The following GLCCI1 variants were observed in gnomAD, a reference collection of about 807,000 sequenced individuals.
GLCCI1 encodes glucocorticoid-induced transcript 1 protein.
In GLCCI1, 24 loss-of-function variants were observed where a neutral mutation model predicts 52.2. The observed-to-expected ratio is 0.46, with a 90% CI of 0.33 to 0.65. GLCCI1 has a LOEUF of 0.65. Among genes scored for constraint, GLCCI1 ranks in the 30% least tolerant of loss-of-function variants. The pLI is 0.02. For synonymous variants in GLCCI1, 310 were observed against 276.5 expected, an observed-to-expected ratio of 1.12 and a Z score of -1.20; for missense variants, 704 against 701.5, an observed-to-expected ratio of 1.00 and a Z score of -0.04.
intron 3 of GLCCI1, among the ~76,000 whole-genome samples, chr7:8,038,809 C>G (rs1342628725): frequency 1.3e-5 from 2 of 152,064 alleles, no homozygotes; most frequent in African/African-American, 4.8e-5. Flanking sequence ...AAATAAATAA[C>G]AGAGAAAATA....
chr7:8,046,705 G>A (rs553105398), intron 3 of GLCCI1, among the ~76,000 whole-genome samples: 2 of 152,270 alleles, frequency 1.3e-5, no homozygotes, highest in African/African-American at 4.8e-5. Context: ...GTATTTGATT[G>A]ATGCCTCATG....
At chr7:7,999,954 G>C (rs545923143) in intron 1 of GLCCI1, among the ~76,000 whole-genome samples, 2 of 152,042 alleles carry the variant, frequency 1.3e-5, no homozygotes, top group East Asian at 1.9e-4. Flanking sequence ...CATTAAAATG[G>C]TTCCTATTGT....
At chr7:8,037,863 C>T (rs900772299) in intron 3 of GLCCI1, among the ~76,000 whole-genome samples, 1 of 151,962 alleles carries the variant, frequency 6.6e-6, no homozygotes, top group Non-Finnish European at 1.5e-5. Flanking sequence ...ATATATGCAC[C>T]CAATACTAGG....
intron 5 of GLCCI1, among the ~76,000 whole-genome samples, chr7:8,063,097 TC>T (rs1393756476): frequency 2.0e-5 from 3 of 152,144 alleles, no homozygotes; most frequent in Non-Finnish European, 4.4e-5. Flanking sequence ...GTATAAGCAT[TC>T]CCTTTTCTCC....
intron 4 of GLCCI1, among the ~76,000 whole-genome samples, chr7:8,058,966 TAAGG>T (rs1782458195): frequency 6.6e-6 from 1 of 152,120 alleles, no homozygotes; most frequent in South Asian, 2.1e-4. Flanking sequence ...AATAAAAGCA[TAAGG>T]AAGAAAAAAT....
rs753831888 is a variant in GLCCI1 at position 8,086,392 on chromosome 7, C to T, written c.1498C>T (p.Arg500Trp). Residue 500 changes from arginine to tryptophan, a missense_variant, in exon 8 of 8, where the codon CGG becomes TGG. By Grantham distance (101) the Arg-to-Trp change is moderately radical. This residue lies in a region of GLCCI1 where 149 missense variants were observed against 152.9 expected (regional missense o/e 0.97). Coordinates refer to ENST00000223145, the MANE Select transcript of GLCCI1 (RefSeq NM_138426.4). This position sits in a 1 kb window ranked among gnomAD's most constrained non-coding sequence, Gnocchi z 4.4. ...TCTGACCGTTGAGCAGCTCTCATCC[C>T]GGGTTTCCTTTACGTCTCTTTCTGA... ...ATLTVEQLSSRVSFTSLSDDT... is the reference protein window; with the variant it reads ...ATLTVEQLSSWVSFTSLSDDT... The T allele has an allele frequency of 3.7e-6, 6 of 1,613,974 alleles. No homozygotes were observed. Among genetic ancestry groups the T allele is most frequent in the African/African-American group, 2.7e-5 (2 of 74,872 alleles).
At chr7:8,075,983 C>A (rs1220949420) in intron 6 of GLCCI1, among the ~76,000 whole-genome samples, 1 of 152,090 alleles carries the variant, frequency 6.6e-6, no homozygotes, top group Non-Finnish European at 1.5e-5. Flanking sequence ...AGAAAAAAAT[C>A]AAAAGTATTA....
intron 5 of GLCCI1, among the ~76,000 whole-genome samples, chr7:8,064,200 T>C (rs1323774369): frequency 5.9e-5 from 9 of 152,232 alleles, no homozygotes; most frequent in Non-Finnish European, 1.3e-4. Flanking sequence ...AGAATGGTAA[T>C]TCCTGGGTTA....
Position 7,984,587 on chromosome 7 carries a change from T to C in GLCCI1, c.457+14780T>C, listed in dbSNP as rs534265492. On this transcript the variant is annotated intron_variant, in intron 1 of 7. Coordinates refer to ENST00000223145, the MANE Select transcript of GLCCI1 (RefSeq NM_138426.4). ...TTTGCTCTACGCAATATCTAACTTA[T>C]GTGCAGGTAAAATGACCCAATTTAC... Among the ~76,000 whole-genome samples the C allele has an allele frequency of 6.6e-5, 10 of 152,362 alleles. No individual in the cohort carries two copies. The Middle Eastern group carries it at 0.014, about 207-fold the overall frequency.
chr7:8,069,747 T>G (rs1384086860), intron 5 of GLCCI1, among the ~76,000 whole-genome samples: 1 of 152,234 alleles, frequency 6.6e-6, no homozygotes, highest in Non-Finnish European at 1.5e-5. Context: ...TTGTTTGGTA[T>G]AGAAAATATT....
chr7:8,008,249 A>C (rs972295292), intron 2 of GLCCI1, among the ~76,000 whole-genome samples: 1 of 149,738 alleles, frequency 6.7e-6, no homozygotes, highest in Non-Finnish European at 1.5e-5. Context: ...GATAACCACT[A>C]TTCTACTCTC....
chr7:8,015,384 T>C (rs1781357333), intron 2 of GLCCI1, among the ~76,000 whole-genome samples: 1 of 152,234 alleles, frequency 6.6e-6, no homozygotes, highest in Non-Finnish European at 1.5e-5. Context: ...GCTTTTGAAA[T>C]ATATTTAAGA....
chr7:7,979,473 G>A lies in GLCCI1; in HGVS notation c.457+9666G>A, dbSNP rs1276215074. On this transcript the variant is annotated intron_variant, in intron 1 of 7. Transcript: ENST00000223145. The stretch of plus-strand genomic sequence containing the variant: ...GCTTTTTCTGGTGTTCTGTTTTGAA[G>A]TTGCCACTCTGTTTATGTGTATTTT... Among the ~76,000 whole-genome samples the A allele has an allele frequency of 4.6e-5, 7 of 152,202 alleles. No homozygotes were observed. The East Asian group carries it at 5.8e-4, about 13-fold the overall frequency.
chr7:7,977,963 A>G (rs889427052), intron 1 of GLCCI1, among the ~76,000 whole-genome samples: 5 of 152,204 alleles, frequency 3.3e-5, no homozygotes, highest in African/African-American at 1.2e-4. Flanking sequence ...AGTATGCACA[A>G]TGTATTATCC....
intron 3 of GLCCI1, among the ~76,000 whole-genome samples, chr7:8,048,100 C>T (rs904846688): frequency 3.3e-5 from 5 of 152,154 alleles, no homozygotes; most frequent in Non-Finnish European, 5.9e-5. Context: ...AATGTTCCTA[C>T]TTGACTGCTA....
At chr7:8,070,569 TTTG>T (rs1782739370) in intron 5 of GLCCI1, 1 of 164,300 alleles carries the variant, frequency 6.1e-6, no homozygotes, top group African/African-American at 2.4e-5. Flanking sequence ...TTTTTTTAGC[TTTG>T]TTAATTCTTT....
chr7:8,019,897 C>T (rs1035279999), intron 2 of GLCCI1, among the ~76,000 whole-genome samples: 5 of 152,144 alleles, frequency 3.3e-5, no homozygotes, highest in African/African-American at 1.2e-4. Flanking sequence ...GGTCAGTGAG[C>T]GGTGAGTGAA....
rs947593900 is a variant in GLCCI1 at position 8,060,183 on chromosome 7, G to C, written c.901G>C (p.Gly301Arg). The C allele has an allele frequency of 1.2e-6, 2 of 1,612,540 alleles. No homozygotes were observed. Among genetic ancestry groups the C allele is most frequent in the Non-Finnish European group, 1.7e-6 (2 of 1,178,808 alleles). Reference protein sequence around the residue: ...SVSRVPCNVEGISPELEKVFI... With the variant: ...SVSRVPCNVERISPELEKVFI... Reference sequence around the variant, plus strand: ...TTCGCGTGTGCCCTGCAATGTAGAAGGAATAAGTCCTGAATTAGAAAAGGT... The same window carrying C: ...TTCGCGTGTGCCCTGCAATGTAGAACGAATAAGTCCTGAATTAGAAAAGGT... The change falls in exon 5 of 8, where the codon GGA (glycine) becomes CGA (arginine). Residue 301 changes from glycine to arginine, a missense_variant. Coordinates refer to ENST00000223145, the MANE Select transcript of GLCCI1 (RefSeq NM_138426.4).
intron 3 of GLCCI1, among the ~76,000 whole-genome samples, chr7:8,047,455 T>G (rs548654301): frequency 6.6e-6 from 1 of 152,240 alleles, no homozygotes; most frequent in African/African-American, 2.4e-5. Context: ...TAATGAATAC[T>G]TACCACTTTT....
Sources: allele counts gnomAD v4.1 joint callset (sites outside exome capture counted in the v4.1 genomes callset), GRCh38; gene constraint gnomAD v4.1.1; regional missense constraint gnomAD v4.1.1; non-coding constraint Gnocchi (gnomAD v3.1); transcripts MANE v1.5; gene names NCBI Gene and HGNC (gene_info 2026-07-23, HGNC 2026-07-21).